Variants in STARD13 observed in about 807,000 individuals in gnomAD.
STARD13 encodes StAR related lipid transfer domain containing 13, also known as stAR-related lipid transfer protein 13.
Under a neutral mutation model 106.4 loss-of-function variants are expected in STARD13, and 62 were observed. The observed-to-expected ratio is 0.58, with a 90% CI of 0.48 to 0.72. STARD13 has a LOEUF of 0.72. Among genes scored for constraint, STARD13 ranks in the 30% least tolerant of loss-of-function variants. The pLI is 0.00. For synonymous variants in STARD13, 565 were observed against 553.0 expected (o/e 1.02, Z -0.31); for missense variants, 1,387 against 1,424.0 (o/e 0.97, Z 0.42).
chr13:33,119,225 G>A (rs1263428520), intron 7 of STARD13, among the ~76,000 whole-genome samples: 1 of 152,158 alleles, frequency 6.6e-6, no homozygotes, highest in African/African-American at 2.4e-5. Context: ...CTGGCTTATA[G>A]TGAAATAATA....
At chr13:33,180,039 G>A (rs1420951924) in intron 1 of STARD13, among the ~76,000 whole-genome samples, 1 of 152,200 alleles carries the variant, frequency 6.6e-6, no homozygotes, top group African/African-American at 2.4e-5. Flanking sequence ...TACACGACAA[G>A]TATCTAACAT....
At chr13:33,403,936 T>G in the STARD13 span, among the ~76,000 whole-genome samples, 1 of 152,246 alleles carries the variant, frequency 6.6e-6, no homozygotes, top group Non-Finnish European at 1.5e-5. Context: ...TTTTATCCTT[T>G]TTCTCCTCTA....
At chr13:33,570,712 T>C in the STARD13 span, among the ~76,000 whole-genome samples, 1 of 152,158 alleles carries the variant, frequency 6.6e-6, no homozygotes, top group Non-Finnish European at 1.5e-5. Flanking sequence ...TGAGGTTCTT[T>C]AGATGCGTTT....
the STARD13 span, among the ~76,000 whole-genome samples, chr13:33,452,188 G>T: frequency 3.9e-5 from 6 of 152,140 alleles, no homozygotes; most frequent in African/African-American, 1.4e-4. Context: ...GGGGCACGAG[G>T]TCTGCTGGAG....
chr13:33,214,023 C>T (rs1887880173), intron 1 of STARD13, among the ~76,000 whole-genome samples: 1 of 152,172 alleles, frequency 6.6e-6, no homozygotes, highest in South Asian at 2.1e-4. Context: ...ATTACTTCAC[C>T]TCTCCCGGCC....
intron 1 of STARD13, among the ~76,000 whole-genome samples, chr13:33,308,686 G>A (rs1291000159): frequency 6.6e-6 from 1 of 151,760 alleles, no homozygotes; most frequent in East Asian, 1.9e-4. Context: ...ACCACGTCCA[G>A]CTAATTTTTG....
intron 1 of STARD13, among the ~76,000 whole-genome samples, chr13:33,202,880 C>T (rs570074533): frequency 3.9e-5 from 6 of 152,194 alleles, no homozygotes; most frequent in African/African-American, 1.4e-4. Flanking sequence ...TGAGAGGGAC[C>T]TCTGGGGGCT....
At chr13:33,464,864 A>G in the STARD13 span, among the ~76,000 whole-genome samples, 1 of 152,126 alleles carries the variant, frequency 6.6e-6, no homozygotes, top group South Asian at 2.1e-4. Flanking sequence ...AACGCCTGCT[A>G]TGTACTAGAT....
the STARD13 span, among the ~76,000 whole-genome samples, chr13:33,471,678 C>T: frequency 1.3e-5 from 2 of 149,570 alleles, no homozygotes; most frequent in Admixed American, 1.3e-4. Context: ...AGTCACATGG[C>T]CAACTGATTT....
At chr13:33,190,962 T>C (rs1169446657) in intron 1 of STARD13, among the ~76,000 whole-genome samples, 1 of 152,148 alleles carries the variant, frequency 6.6e-6, no homozygotes, top group Non-Finnish European at 1.5e-5. Flanking sequence ...ACCCAAAATA[T>C]CAGCTTTCAA....
the STARD13 span, among the ~76,000 whole-genome samples, chr13:33,541,408 T>C: frequency 1.1e-4 from 16 of 152,330 alleles, no homozygotes; most frequent in African/African-American, 3.8e-4. Context: ...GCCTCCTTCT[T>C]GCCCTATTTC....
In STARD13 at chr13:33,130,357, G is replaced by C; in HGVS notation, c.388-68C>G. On this transcript the variant is annotated intron_variant, in intron 4 of 13. Transcript: ENST00000336934. This position sits in a 1 kb window ranked among gnomAD's most constrained non-coding sequence, Gnocchi z 4.1. ...CTGAAGCAGGAACTCTGGGTGCTCT[G>C]AGGGCAGCCCTGTGTGGTCCTCCAC... 6.7e-7 allele frequency: 1 copy of C among 1,501,294 alleles called. No individual in the cohort carries two copies. Among genetic ancestry groups the C allele is most frequent in the Non-Finnish European group, 9.0e-7 (1 of 1,110,024 alleles). 93.0% of individuals were successfully genotyped at this position (1,501,294 alleles called of 1,614,324 possible). A position where few individuals can be genotyped will look rare whatever the true frequency, so the allele number is the denominator to read the frequency against.
At chr13:33,489,914 T>C in the STARD13 span, among the ~76,000 whole-genome samples, 1 of 152,204 alleles carries the variant, frequency 6.6e-6, no homozygotes, top group African/African-American at 2.4e-5. Flanking sequence ...TTTGAGATCA[T>C]TTTCAAAATT....
At chr13:33,177,768 A>AAAGG (rs201721373) in intron 1 of STARD13, among the ~76,000 whole-genome samples, 805 of 50,652 alleles carry the variant, frequency 0.016, 235 homozygotes, top group African/African-American at 0.037. Flanking sequence ...GGAAGGAAGG[A>AAAGG]AAGGAAGGAA....
the STARD13 span, among the ~76,000 whole-genome samples, chr13:33,392,886 A>G: frequency 6.6e-6 from 1 of 152,354 alleles, no homozygotes; most frequent in South Asian, 2.1e-4. Context: ...TATTGCTGGC[A>G]TGAAAAATAT....
At chr13:33,400,265 C>T in the STARD13 span, among the ~76,000 whole-genome samples, 2 of 152,120 alleles carry the variant, frequency 1.3e-5, no homozygotes, top group South Asian at 2.1e-4. Context: ...GAATAATGTC[C>T]TCCAAGTTCA....
At chr13:33,628,851 C>T in the STARD13 span, among the ~76,000 whole-genome samples, 2 of 152,292 alleles carry the variant, frequency 1.3e-5, no homozygotes, top group East Asian at 3.9e-4. Context: ...TCACTCTTCA[C>T]CAGAGTTCCA....
At chr13:33,386,900 TG>T in the STARD13 span, among the ~76,000 whole-genome samples, 1 of 152,060 alleles carries the variant, frequency 6.6e-6, no homozygotes, top group Non-Finnish European at 1.5e-5. Flanking sequence ...AATTTCGAGG[TG>T]GCTGATGGGC....
At chr13:33,270,921 T>A (rs919514681) in intron 1 of STARD13, among the ~76,000 whole-genome samples, 4 of 152,130 alleles carry the variant, frequency 2.6e-5, no homozygotes, top group Admixed American at 2.6e-4. Context: ...ACCCCAAAAT[T>A]AACCTTTTCT....
Sources: gnomAD v4.1 joint callset for allele counts (sites outside exome capture counted in the v4.1 genomes callset) on GRCh38, gnomAD v4.1.1 for gene constraint, Gnocchi (gnomAD v3.1) non-coding constraint, MANE v1.5 for transcripts, NCBI Gene and HGNC (gene_info 2026-07-23, HGNC 2026-07-21) for gene names.